Variants in SLC38A9 observed in about 807,000 individuals in gnomAD.
The protein encoded by SLC38A9 is neutral amino acid transporter 9.
Under a neutral mutation model 62.3 loss-of-function variants are expected in SLC38A9, and 48 were observed. The ratio of observed to expected loss-of-function variants is 0.77; its 90% CI spans 0.61 to 0.98. The LOEUF (loss-of-function observed/expected upper bound fraction) is 0.98, where lower values mean the gene tolerates loss of function less well. SLC38A9 is among the 50% of genes least tolerant of loss of function. The probability of loss-of-function intolerance (pLI) is 0.00; values close to 1 mark genes in which losing one functional copy is unlikely to be tolerated. For synonymous variants in SLC38A9, 204 were observed against 227.7 expected (o/e 0.90, Z 0.94); for missense variants, 541 against 679.8 (o/e 0.80, Z 2.27).
At chr5:55,628,261 A>C (rs1326594841) in intron 14 of SLC38A9, among the ~76,000 whole-genome samples, 3 of 152,200 alleles carry the variant, frequency 2.0e-5, no homozygotes, top group Non-Finnish European at 4.4e-5. Context: ...TCCATTTGGA[A>C]TATCTTGAGA....
intron 12 of SLC38A9, among the ~76,000 whole-genome samples, chr5:55,636,397 T>C (rs1744408398): frequency 2.0e-5 from 3 of 152,228 alleles, no homozygotes; most frequent in Non-Finnish European, 4.4e-5. Flanking sequence ...TGTAGCCAGC[T>C]GTCAGATCCA....
At chr5:55,628,075 G>T in intron 14 of SLC38A9, 95 bp from the exon 15 acceptor site, 1 of 737,158 alleles carries the variant, frequency 1.4e-6, no homozygotes, top group Non-Finnish European at 2.3e-6. Context: ...TCTTAACATC[G>T]TTAAAATCAA....
chr5:55,694,077 A>G (rs1755096954), intron 3 of SLC38A9: 2 of 162,964 alleles, frequency 1.2e-5, no homozygotes, highest in Non-Finnish European at 2.7e-5. Flanking sequence ...TCACAGTGGC[A>G]TGCACCTGTA....
intron 3 of SLC38A9, chr5:55,692,911 C>T (rs1754942967): frequency 4.1e-6 from 4 of 978,622 alleles, no homozygotes; most frequent in Non-Finnish European, 4.9e-6. Context: ...TTCTGATGGC[C>T]ACTATAAATG....
rs1754246973 is a variant in SLC38A9 at position 55,688,399 on chromosome 5, T to A, written c.113+9447A>T. 1.5e-4 allele frequency among the ~76,000 whole-genome samples: 22 copies of A among 148,520 alleles called. 1 individual carries two copies. In the South Asian group the frequency reaches 4.5e-3, roughly 31 times the overall value. The stretch of plus-strand genomic sequence containing the variant: ...TAATCTCTTTTTTTTTTTTTTTTTT[T>A]AAGACAGTCTCACTCTGTTGCCCAG... On this transcript the variant is annotated intron_variant, in intron 3 of 15. Transcript: ENST00000396865.
chr5:55,702,858 G>A (rs150922888), intron 2 of SLC38A9: 17 of 151,808 alleles, frequency 1.1e-4, no homozygotes, highest in African/African-American at 3.4e-4. Flanking sequence ...CCTGCCCAAC[G>A]TTTAAGCAAG....
chr5:55,635,594 C>A lies in SLC38A9; in HGVS notation c.1231G>T (p.Val411Phe). ...GGTGGTGAAGGAAATGAAGCAAAAACCAGGACTCCAATATAGAGATAAGTT... is the reference window on the plus strand; with the variant it reads ...GGTGGTGAAGGAAATGAAGCAAAAAACAGGACTCCAATATAGAGATAAGTT... ...TLTYLYIGVLVFASFPSPPLS... is the reference protein window; with the variant it reads ...TLTYLYIGVLFFASFPSPPLS... Residue 411 changes from valine (V) to phenylalanine (F), a missense_variant, in exon 13 of 16, where the codon GTT becomes TTT. Val to Phe is a conservative substitution (Grantham distance 50). Coordinates refer to ENST00000396865, the MANE Select transcript of SLC38A9 (RefSeq NM_173514.4). 1 of 1,613,844 alleles carries A rather than the reference C, an allele frequency of 6.2e-7. No individual in the cohort carries two copies. The highest frequency in any genetic ancestry group is 1.1e-5 in the South Asian group (1 of 91,066).
At position 55,645,953 on chromosome 5, in the gene SLC38A9, T is replaced by C. The variant is rs541457394; in HGVS notation, c.1061-58A>G. 3.1e-4 allele frequency: 341 copies of C among 1,108,600 alleles called. 2 individuals carry two copies. Among genetic ancestry groups the C allele is most frequent in the Non-Finnish European group, 4.2e-4 (314 of 751,724 alleles). The allele number at this position is 1,108,600 out of a possible 1,614,324, so 68.7% of individuals were successfully genotyped here. ...CTGACAATTAGAAAATGAGTATTGG[T>C]AGCCAAAAGTTGACTACTAAAAATC... On this transcript the variant is annotated intron_variant, in intron 11 of 15. Coordinates refer to ENST00000396865, the MANE Select transcript of SLC38A9 (RefSeq NM_173514.4).
At chr5:55,704,682 A>G (rs1007556604) in intron 2 of SLC38A9, among the ~76,000 whole-genome samples, 10 of 152,234 alleles carry the variant, frequency 6.6e-5, no homozygotes, top group African/African-American at 2.4e-4. Flanking sequence ...AACAATGCAT[A>G]AAAGCACTTT....
chr5:55,689,713 A>C (rs1406442982), intron 3 of SLC38A9, among the ~76,000 whole-genome samples: 1 of 152,142 alleles, frequency 6.6e-6, no homozygotes, highest in African/African-American at 2.4e-5. Context: ...CTCTTTCTTC[A>C]GGCTTCTCTA....
At chr5:55,677,329 C>T (rs562386814) in intron 3 of SLC38A9, among the ~76,000 whole-genome samples, 10 of 152,180 alleles carry the variant, frequency 6.6e-5, no homozygotes, top group East Asian at 1.9e-4. Context: ...ATGATTCTAA[C>T]GTAAAGTATT....
intron 8 of SLC38A9, 84 bp from the exon 9 acceptor site, chr5:55,656,858 A>ATATT: frequency 2.0e-6 from 1 of 491,118 alleles, no homozygotes; most frequent in Non-Finnish European, 3.0e-6. Context: ...ATTTATAAAA[A>ATATT]TCTTTTTTTT....
At chr5:55,626,881 A>C (rs1357128277) in intron 15 of SLC38A9, among the ~76,000 whole-genome samples, 1 of 152,174 alleles carries the variant, frequency 6.6e-6, no homozygotes, top group Non-Finnish European at 1.5e-5. Context: ...CATCTGCTTA[A>C]CAAAGACTTT....
intron 7 of SLC38A9, among the ~76,000 whole-genome samples, chr5:55,666,962 C>T (rs1750576642): frequency 1.3e-5 from 2 of 151,998 alleles, no homozygotes; most frequent in Non-Finnish European, 2.9e-5. Flanking sequence ...TTGCAGTAAG[C>T]TGAGATCGCG....
intron 3 of SLC38A9, 153 bp from the exon 4 acceptor site, chr5:55,672,848 C>A: frequency 1.5e-6 from 1 of 656,800 alleles, no homozygotes. Flanking sequence ...GAAAATGTTA[C>A]AAAAGAAGTA....
intron 8 of SLC38A9, among the ~76,000 whole-genome samples, chr5:55,661,110 TAAAC>T (rs1166856212): frequency 5.9e-5 from 9 of 151,914 alleles, no homozygotes; most frequent in Admixed American, 5.9e-4. Context: ...AAGACCTAAA[TAAAC>T]AAAGAACTAT....
intron 2 of SLC38A9, among the ~76,000 whole-genome samples, chr5:55,701,032 A>C (rs1756577364): frequency 6.6e-6 from 1 of 152,316 alleles, no homozygotes; most frequent in East Asian, 1.9e-4. Flanking sequence ...GCCACTAGTT[A>C]GGTGTGGCTA....
intron 10 of SLC38A9, among the ~76,000 whole-genome samples, chr5:55,650,272 G>T (rs999794304): frequency 1.3e-5 from 2 of 152,138 alleles, no homozygotes; most frequent in Non-Finnish European, 2.9e-5. Context: ...GAAGGTAGAA[G>T]ATTATTCCTT....
In SLC38A9 at chr5:55,669,846, CT is replaced by C. The variant is rs1561378876; in HGVS notation, c.279del (p.Glu94SerfsTer27). On this transcript the variant is annotated frameshift_variant, in exon 5 of 16. Coordinates refer to ENST00000396865, the MANE Select transcript of SLC38A9 (RefSeq NM_173514.4). LOFTEE classifies it high-confidence loss of function. ...CCCAATGGACTATACACATAGCACT[CT>C]TCTGGAGCTGGAACTACATGGTCTG... ...IAPDHVVPAPEECYVYSPLGS... is the reference protein window; with the variant it reads ...IAPDHVVPAPXECYVYSPLGS... The C allele has an allele frequency of 6.2e-7, 1 of 1,611,736 alleles. No individual in the cohort carries two copies. Among genetic ancestry groups the C allele is most frequent in the Admixed American group, 1.7e-5 (1 of 59,290 alleles).
Sources: gnomAD v4.1 joint callset for allele counts (sites outside exome capture counted in the v4.1 genomes callset) on GRCh38, gnomAD v4.1.1 for gene constraint, MANE v1.5 for transcripts, NCBI Gene and HGNC (gene_info 2026-07-23, HGNC 2026-07-21) for gene names.